The following TRPM3 variants were observed in gnomAD, a reference collection of about 807,000 sequenced individuals.
TRPM3 encodes the protein transient receptor potential cation channel subfamily M member 3, also known as long transient receptor potential channel 3.
TRPM3 carries 77 observed loss-of-function variants against 181.2 expected under a neutral mutation model. The ratio of observed to expected loss-of-function variants is 0.42; its 90% CI spans 0.35 to 0.51. TRPM3 has a LOEUF of 0.51. TRPM3 is among the 20% of genes least tolerant of loss of function. TRPM3 has a pLI of 0.01. For synonymous variants in TRPM3, 745 were observed against 796.4 expected (o/e 0.94, Z 1.09); for missense variants, 1,759 against 2,196.7 (o/e 0.80, Z 3.98).
At chr9:71,282,195 AGAAT>A (rs1275822569) in intron 1 of TRPM3, among the ~76,000 whole-genome samples, 1 of 133,088 alleles carries the variant, frequency 7.5e-6, no homozygotes, top group African/African-American at 3.3e-5. Flanking sequence ...AAGGAAAGAA[AGAAT>A]GAAAGAAAGA....
At chr9:70,568,640 A>G (rs563517952) in intron 22 of TRPM3, among the ~76,000 whole-genome samples, 41 of 152,252 alleles carry the variant, frequency 2.7e-4, no homozygotes, top group Non-Finnish European at 4.7e-4. Flanking sequence ...GAGTAAATTG[A>G]AACACAAATA....
intron 9 of TRPM3, among the ~76,000 whole-genome samples, chr9:70,664,315 G>C (rs2061514350): frequency 6.6e-6 from 1 of 152,142 alleles, no homozygotes; most frequent in Middle Eastern, 3.2e-3. Context: ...TGTACACATA[G>C]AATTGCTGAT....
intron 12 of TRPM3, among the ~76,000 whole-genome samples, chr9:70,629,925 A>G (rs183312149): frequency 5.6e-4 from 85 of 152,336 alleles, no homozygotes; most frequent in Non-Finnish European, 9.0e-4. Flanking sequence ...TATAACATGA[A>G]TAAAATTGAG....
chr9:71,278,414 C>T (rs1252956282), intron 1 of TRPM3, among the ~76,000 whole-genome samples: 3 of 152,086 alleles, frequency 2.0e-5, no homozygotes, highest in African/African-American at 7.2e-5. Context: ...GGTAAGAGCA[C>T]CACAGTACCA....
chr9:71,426,680 T>TAC (rs1232955752), intron 1 of TRPM3, among the ~76,000 whole-genome samples: 5 of 152,188 alleles, frequency 3.3e-5, no homozygotes, highest in African/African-American at 1.2e-4. Context: ...CCATAAATTA[T>TAC]ACAGATGCTT....
intron 1 of TRPM3, among the ~76,000 whole-genome samples, chr9:71,086,556 A>G (rs2065295672): frequency 6.6e-6 from 1 of 151,946 alleles, no homozygotes; most frequent in Non-Finnish European, 1.5e-5. Flanking sequence ...AGTATCAAAG[A>G]CCTGCATATC....
intron 1 of TRPM3, among the ~76,000 whole-genome samples, chr9:71,232,518 T>TTTTTTTTA (rs2081121784): frequency 8.3e-6 from 1 of 120,478 alleles, no homozygotes; most frequent in African/African-American, 3.0e-5. Context: ...TTTTTTTTTT[T>TTTTTTTTA]GAGACAGGGT....
chr9:70,608,724 C>A lies in TRPM3; in HGVS notation c.2667+1885G>T, dbSNP rs148034527. 3.7e-3 allele frequency among the ~76,000 whole-genome samples: 569 copies of A among 152,214 alleles called. 1 individual carries two copies. Among genetic ancestry groups the A allele is most frequent in the Non-Finnish European group, 6.1e-3 (413 of 68,014 alleles). Reference sequence around the variant, plus strand: ...GTGTGGTGGTGAACACCTGTAATCCCAGCTACTCGGGAGGCTGAGACATGA... The same window carrying A: ...GTGTGGTGGTGAACACCTGTAATCCAAGCTACTCGGGAGGCTGAGACATGA... On this transcript the variant is annotated intron_variant, in intron 19 of 25. Transcript: ENST00000677713.
At chr9:71,261,225 C>A (rs1003466933) in intron 1 of TRPM3, among the ~76,000 whole-genome samples, 1 of 152,142 alleles carries the variant, frequency 6.6e-6, no homozygotes, top group Non-Finnish European at 1.5e-5. Flanking sequence ...TATCTCTAAT[C>A]TTGTCTTCAC....
chr9:70,640,792 G>A (rs1189616255), intron 9 of TRPM3, 132 bp from the exon 10 acceptor site: 1 of 626,588 alleles, frequency 1.6e-6, no homozygotes, highest in East Asian at 2.8e-5. Flanking sequence ...CTATACAGCA[G>A]GTTTCTCAAA....
chr9:70,846,285 G>T, intron 4 of TRPM3, 93 bp downstream of exon 4: 3 of 1,190,184 alleles, frequency 2.5e-6, no homozygotes, highest in Non-Finnish European at 3.7e-6. Flanking sequence ...ATGAAGTGGG[G>T]TGATATAGAA....
At chr9:70,828,783 C>A (rs1296227281) in intron 5 of TRPM3, among the ~76,000 whole-genome samples, 1 of 149,868 alleles carries the variant, frequency 6.7e-6, no homozygotes, top group Non-Finnish European at 1.5e-5. Flanking sequence ...TTCCTTGCGA[C>A]GATCCTGCAA....
chr9:71,112,234 A>C (rs1362919906), intron 1 of TRPM3, among the ~76,000 whole-genome samples: 1 of 152,218 alleles, frequency 6.6e-6, no homozygotes, highest in Non-Finnish European at 1.5e-5. Context: ...ATTAAAGGAA[A>C]TATATTAACA....
At position 70,616,152 on chromosome 9, in the gene TRPM3, G is replaced by C. The variant is rs539466137; in HGVS notation, c.2359-77C>G. On this transcript the variant is annotated intron_variant, in intron 17 of 25. Coordinates refer to ENST00000677713, the MANE Select transcript of TRPM3 (RefSeq NM_001366145.2). ...TAGGGTGGTTGTTTAGAATCAGAGA[G>C]CCTGAGGTATGGGGTATAAGAGTGT... 1.1e-4 allele frequency: 124 copies of C among 1,180,402 alleles called. No homozygotes were observed. The Middle Eastern group carries it at 2.3e-3, about 22-fold the overall frequency. 73.1% of individuals were successfully genotyped at this position (1,180,402 alleles called of 1,614,324 possible).
intron 7 of TRPM3, among the ~76,000 whole-genome samples, chr9:70,767,635 C>A (rs78037736): frequency 0.16 from 24,403 of 152,094 alleles, 2,493 homozygotes; most frequent in South Asian, 0.29. Flanking sequence ...AATAGCTCAA[C>A]TGTGGCCATA....
intron 8 of TRPM3, among the ~76,000 whole-genome samples, chr9:70,758,963 A>G (rs2077582233): frequency 6.6e-6 from 1 of 152,230 alleles, no homozygotes; most frequent in Non-Finnish European, 1.5e-5. Flanking sequence ...ATGGCAACAC[A>G]AGCCAAAATT....
intron 1 of TRPM3, among the ~76,000 whole-genome samples, chr9:71,264,723 T>A (rs2083274341): frequency 6.6e-6 from 1 of 152,072 alleles, no homozygotes; most frequent in African/African-American, 2.4e-5. Flanking sequence ...CTTGAACAGA[T>A]TCTGAGTGAG....
rs78938143 is a variant in TRPM3 at position 70,969,756 on chromosome 9, T to TTATATATATATATA, written c.178-105259_178-105246dup. Among the ~76,000 whole-genome samples the TTATATATATATATA allele has an allele frequency of 3.3e-3, 422 of 126,410 alleles. 3 individuals carry two copies. Among genetic ancestry groups the TTATATATATATATA allele is most frequent in the South Asian group, 0.021 (78 of 3,740 alleles). The allele number at this position is 126,410 out of a possible 152,430, so 82.9% of individuals were successfully genotyped here. ...GGATTGTTGTGAAGACTGAATGATT[T>TTATATATATATATA]TATATATATATATATATATATATAC... On this transcript the variant is annotated intron_variant, in intron 1 of 25. Coordinates refer to ENST00000677713, the MANE Select transcript of TRPM3 (RefSeq NM_001366145.2).
rs193020554 is a variant in TRPM3 at position 70,664,892 on chromosome 9, C to A, written c.1345+16614G>T. ...CTACAACTCCTGACCTCAAGTGATC[C>A]ACCCCCCTCAGCCTCCCAAAGTGCT... On this transcript the variant is annotated intron_variant, in intron 9 of 25. Transcript: ENST00000677713. Among the ~76,000 whole-genome samples, 197 of 152,120 alleles carry A rather than the reference C, an allele frequency of 1.3e-3. 1 individual carries two copies. The highest frequency in any genetic ancestry group is 4.6e-3 in the African/African-American group (189 of 41,468).
Sources: allele counts gnomAD v4.1 joint callset (sites outside exome capture counted in the v4.1 genomes callset), GRCh38; gene constraint gnomAD v4.1.1; transcripts MANE v1.5; gene names NCBI Gene and HGNC (gene_info 2026-07-23, HGNC 2026-07-21).